The following DCAF10 variants were observed in gnomAD, a reference collection of about 807,000 sequenced individuals.
DCAF10 encodes the protein DDB1 and CUL4 associated factor 10.
Under a neutral mutation model 51.9 loss-of-function variants are expected in DCAF10, and 19 were observed. The ratio of observed to expected loss-of-function variants is 0.37; its 90% CI spans 0.26 to 0.54. The LOEUF is 0.54. Among genes scored for constraint, DCAF10 ranks in the 20% least tolerant of loss-of-function variants. The pLI is 0.87. For missense variants in DCAF10, 510 were observed against 730.6 expected (o/e 0.70, Z 3.48); for synonymous variants, 291 against 297.1 (o/e 0.98, Z 0.21).
chr9:37,817,985 G>T (rs1243638038), intron 1 of DCAF10, among the ~76,000 whole-genome samples: 1 of 151,716 alleles, frequency 6.6e-6, no homozygotes, highest in Non-Finnish European at 1.5e-5. Context: ...AGTAAATAAA[G>T]AAAAGATTTC....
intron 1 of DCAF10, among the ~76,000 whole-genome samples, chr9:37,818,862 G>T (rs777614852): frequency 1.3e-5 from 2 of 152,150 alleles, no homozygotes; most frequent in East Asian, 3.9e-4. Flanking sequence ...AAAGTATTGT[G>T]TACTATGGCT....
At chr9:37,827,053 C>T (rs755418261) in intron 2 of DCAF10, among the ~76,000 whole-genome samples, 2 of 151,986 alleles carry the variant, frequency 1.3e-5, no homozygotes, top group Non-Finnish European at 2.9e-5. Flanking sequence ...CTCGAACTCC[C>T]GACCTCAGGT....
intron 2 of DCAF10, among the ~76,000 whole-genome samples, chr9:37,821,668 C>T (rs1040438865): frequency 6.6e-6 from 1 of 151,820 alleles, no homozygotes; most frequent in African/African-American, 2.4e-5. Flanking sequence ...AGACCTGAAA[C>T]TATAATAAAA....
At chr9:37,804,202 G>A (rs561835784) in intron 1 of DCAF10, among the ~76,000 whole-genome samples, 126 of 151,096 alleles carry the variant, frequency 8.3e-4, no homozygotes, top group African/African-American at 2.7e-3. Flanking sequence ...GTAACACAGA[G>A]CATAGAGAGA....
At chr9:37,839,352 G>A (rs1442782184) in intron 2 of DCAF10, among the ~76,000 whole-genome samples, 4 of 152,018 alleles carry the variant, frequency 2.6e-5, no homozygotes, top group African/African-American at 7.3e-5. Flanking sequence ...GAGCCACTGC[G>A]CCCAGCCGAT....
chr9:37,825,344 T>C (rs537421422), intron 2 of DCAF10, among the ~76,000 whole-genome samples: 1 of 152,312 alleles, frequency 6.6e-6, no homozygotes, highest in South Asian at 2.1e-4. Context: ...AATGGCAGAC[T>C]GGATAAGGAA....
Position 37,837,841 on chromosome 9 carries a change from G to A in DCAF10, c.654-4248G>A, listed in dbSNP as rs1299733099. Among the ~76,000 whole-genome samples, 4 of 142,464 alleles carry A rather than the reference G, an allele frequency of 2.8e-5. No homozygotes were observed. The South Asian group carries it at 6.4e-4, about 23-fold the overall frequency. The allele number at this position is 142,464 out of a possible 152,430, so 93.5% of individuals were successfully genotyped here. A position where few individuals can be genotyped will look rare whatever the true frequency, so the allele number is the denominator to read the frequency against. Reference sequence around the variant, plus strand: ...AGTGTGTTGAATACATACTGCTTGTGTGTCAAAAAAAAAAAAAAGAATTAA... The same window carrying A: ...AGTGTGTTGAATACATACTGCTTGTATGTCAAAAAAAAAAAAAAGAATTAA... On this transcript the variant is annotated intron_variant, in intron 2 of 6. Coordinates refer to ENST00000377724, the MANE Select transcript of DCAF10 (RefSeq NM_024345.5).
intron 2 of DCAF10, among the ~76,000 whole-genome samples, chr9:37,839,928 C>A (rs1830283086): frequency 6.6e-6 from 1 of 152,176 alleles, no homozygotes; most frequent in Admixed American, 6.5e-5. Context: ...TACTGCAGAT[C>A]TAACCATGAC....
intron 2 of DCAF10, among the ~76,000 whole-genome samples, chr9:37,839,183 C>T (rs778079382): frequency 5.3e-5 from 8 of 151,716 alleles, no homozygotes; most frequent in South Asian, 2.1e-4. Context: ...CCTCAGCCTC[C>T]GAGTAGCTGG....
intron 1 of DCAF10, among the ~76,000 whole-genome samples, chr9:37,804,070 C>T (rs191214196): frequency 6.6e-6 from 1 of 151,838 alleles, no homozygotes. Flanking sequence ...AAACTGTCCT[C>T]CATGAGAACA....
Position 37,860,230 on chromosome 9 carries a change from T to C in DCAF10, c.1311+37T>C, listed in dbSNP as rs190947409. 339 of 1,611,658 alleles carry C rather than the reference T, an allele frequency of 2.1e-4. No individual in the cohort carries two copies. In the African/African-American group the frequency reaches 3.9e-3, roughly 19 times the overall value. On this transcript the variant is annotated intron_variant, in intron 6 of 6. Coordinates refer to ENST00000377724, the MANE Select transcript of DCAF10 (RefSeq NM_024345.5). Reference sequence around the variant, plus strand: ...AGCACTCCACCTTCAACAGGGCTCATTGGACAAATTGCCATTGCCGTGTGT... The same window carrying C: ...AGCACTCCACCTTCAACAGGGCTCACTGGACAAATTGCCATTGCCGTGTGT...
chr9:37,819,205 C>G, intron 1 of DCAF10, 83 bp from the exon 2 acceptor site: 11 of 1,070,308 alleles, frequency 1.0e-5, no homozygotes, highest in Non-Finnish European at 1.4e-5. Flanking sequence ...TTACCTATAG[C>G]TTGTGTAATT....
intron 1 of DCAF10, among the ~76,000 whole-genome samples, chr9:37,817,807 G>C (rs971104552): frequency 6.6e-6 from 1 of 151,756 alleles, no homozygotes; most frequent in Non-Finnish European, 1.5e-5. Flanking sequence ...TTCATTTCAG[G>C]GTTCTTCTGA....
At chr9:37,821,295 T>C (rs953980203) in intron 2 of DCAF10, among the ~76,000 whole-genome samples, 6 of 152,220 alleles carry the variant, frequency 3.9e-5, no homozygotes, top group Non-Finnish European at 8.8e-5. Flanking sequence ...TTTAAGCCTT[T>C]AACTTTTGCT....
intron 2 of DCAF10, among the ~76,000 whole-genome samples, chr9:37,823,876 C>CTTTTTTTTT (rs1193191524): frequency 8.3e-6 from 1 of 120,758 alleles, no homozygotes; most frequent in Non-Finnish European, 1.7e-5. Flanking sequence ...TAGAGCACAT[C>CTTTTTTTTT]TTTTTTTTTT....
chr9:37,843,214 G>T (rs936854426), intron 3 of DCAF10, among the ~76,000 whole-genome samples: 1 of 151,864 alleles, frequency 6.6e-6, no homozygotes, highest in Non-Finnish European at 1.5e-5. Flanking sequence ...ACGGGGTCTC[G>T]CTATGCTGCC....
intron 3 of DCAF10, among the ~76,000 whole-genome samples, chr9:37,851,110 G>A (rs1411797361): frequency 3.3e-5 from 5 of 151,490 alleles, no homozygotes; most frequent in Non-Finnish European, 5.9e-5. Context: ...CGGGTGTGGT[G>A]CCACACACCT....
intron 3 of DCAF10, among the ~76,000 whole-genome samples, chr9:37,852,930 T>TTTTATATATATATATA (rs1486538659): frequency 9.1e-6 from 1 of 109,822 alleles, no homozygotes; most frequent in Non-Finnish European, 1.8e-5. Context: ...GTATGTGAGG[T>TTTTATATATATATATA]TATATATATA....
chr9:37,817,912 ATAT>A (rs1349781614), intron 1 of DCAF10, among the ~76,000 whole-genome samples: 37 of 152,328 alleles, frequency 2.4e-4, no homozygotes, highest in Admixed American at 2.4e-3. Context: ...AAAATTTCAG[ATAT>A]TATTAAACTT....
Sources: gnomAD v4.1 joint callset for allele counts (sites outside exome capture counted in the v4.1 genomes callset) on GRCh38, gnomAD v4.1.1 for gene constraint, MANE v1.5 for transcripts, NCBI Gene and HGNC (gene_info 2026-07-23, HGNC 2026-07-21) for gene names.